Variants in LRRC36 observed in about 807,000 individuals in gnomAD.
LRRC36 encodes the protein leucine rich repeat containing 36, also known as leucine-rich repeat-containing protein 36.
LRRC36 carries 62 observed loss-of-function variants against 81.1 expected under a neutral mutation model. The ratio of observed to expected loss-of-function variants is 0.76; its 90% CI spans 0.62 to 0.94. The LOEUF is 0.94. Ranked by LOEUF, LRRC36 falls within the 40% of genes least tolerant of loss-of-function variation. The pLI is 0.00. For synonymous variants in LRRC36, 334 were observed against 348.6 expected (o/e 0.96, Z 0.47); for missense variants, 761 against 881.7 (o/e 0.86, Z 1.73).
Position 67,342,100 on chromosome 16 carries a change from T to A in LRRC36, c.198+16T>A, listed in dbSNP as rs1442219745. On this transcript the variant is annotated intron_variant, in intron 2 of 13. Coordinates refer to ENST00000329956, the MANE Select transcript of LRRC36 (RefSeq NM_018296.6). The stretch of plus-strand genomic sequence containing the variant: ...TAGCCTTAAGGTAAGTTATATATTC[T>A]ATGACCAGCCAGGTCTGCCCAATTT... 6.4e-6 allele frequency: 10 copies of A among 1,551,966 alleles called. No homozygotes were observed. The highest frequency in any genetic ancestry group is 8.8e-6 in the Non-Finnish European group (10 of 1,141,868).
Position 67,367,260 on chromosome 16 carries a change from A to T in LRRC36, c.998A>T (p.Tyr333Phe). 1 of 1,614,194 alleles carries T rather than the reference A, an allele frequency of 6.2e-7. No individual in the cohort carries two copies. Among genetic ancestry groups the T allele is most frequent in the Non-Finnish European group, 8.5e-7 (1 of 1,180,028 alleles). Residue 333 changes from tyrosine (Y) to phenylalanine (F), a missense_variant, in exon 8 of 14, where the codon TAT becomes TTT. This residue lies in a region of LRRC36 where 139 missense variants were observed against 214.0 expected (regional missense o/e 0.65). Coordinates refer to ENST00000329956, the MANE Select transcript of LRRC36 (RefSeq NM_018296.6). ...QLPSDVGLEN[Y>F]DSCYSQTLSL... Reference sequence around the variant, plus strand: ...CCTTCAGATGTTGGTCTGGAAAATTATGACAGTTGTTATTCTCAAACTCTA... The same window carrying T: ...CCTTCAGATGTTGGTCTGGAAAATTTTGACAGTTGTTATTCTCAAACTCTA...
At chr16:67,358,496 T>C (rs2039000742) in intron 5 of LRRC36, among the ~76,000 whole-genome samples, 1 of 144,588 alleles carries the variant, frequency 6.9e-6, no homozygotes, top group Admixed American at 6.9e-5. Context: ...CGCCACTAAT[T>C]TTTTTTTTTT....
chr16:67,333,407 C>T (rs1376663305), intron 1 of LRRC36, among the ~76,000 whole-genome samples: 2 of 152,216 alleles, frequency 1.3e-5, no homozygotes, highest in East Asian at 3.8e-4. Flanking sequence ...GCTGAAATTA[C>T]AGGCATGAGC....
chr16:67,378,467 T>C, intron 11 of LRRC36, 122 bp from the exon 12 acceptor site: 1 of 789,168 alleles, frequency 1.3e-6, no homozygotes, highest in Non-Finnish European at 2.0e-6. Flanking sequence ...CTCGAACTCC[T>C]GAGCTCAGGC....
chr16:67,334,615 G>A (rs763414756), intron 1 of LRRC36, among the ~76,000 whole-genome samples: 3 of 152,074 alleles, frequency 2.0e-5, no homozygotes, highest in African/African-American at 4.8e-5. Flanking sequence ...ATGAGCCAGC[G>A]TGCCTGGCCA....
intron 1 of LRRC36, 34 bp from the exon 2 acceptor site, chr16:67,341,923 G>T (rs1268897571): frequency 1.3e-6 from 2 of 1,585,742 alleles, no homozygotes; most frequent in East Asian, 2.3e-5. Flanking sequence ...TCCGAGCAGG[G>T]ATCATAATAT....
At chr16:67,379,393 TGAAA>T (rs2040029468) in intron 12 of LRRC36, among the ~76,000 whole-genome samples, 1 of 151,540 alleles carries the variant, frequency 6.6e-6, no homozygotes, top group African/African-American at 2.4e-5. Flanking sequence ...CCAGCCTGGG[TGAAA>T]GAGAGACCCT....
chr16:67,362,618 A>G (rs2039206515), intron 5 of LRRC36, among the ~76,000 whole-genome samples: 2 of 152,320 alleles, frequency 1.3e-5, no homozygotes, highest in Middle Eastern at 6.8e-3. Flanking sequence ...GGTAACCAAA[A>G]AACAAGATAA....
chr16:67,336,407 A>G (rs921281246), intron 1 of LRRC36, among the ~76,000 whole-genome samples: 8 of 152,208 alleles, frequency 5.3e-5, no homozygotes, highest in Non-Finnish European at 1.2e-4. Context: ...TTGTCTTCTC[A>G]GGTGGCTTCA....
At chr16:67,369,487 G>A (rs538446368) in intron 8 of LRRC36, among the ~76,000 whole-genome samples, 1 of 152,306 alleles carries the variant, frequency 6.6e-6, no homozygotes, top group East Asian at 1.9e-4. Flanking sequence ...GGATGCATGA[G>A]AATGAAAGCC....
intron 5 of LRRC36, among the ~76,000 whole-genome samples, chr16:67,360,207 T>C (rs2039081951): frequency 6.6e-6 from 1 of 151,962 alleles, no homozygotes; most frequent in Admixed American, 6.6e-5. Flanking sequence ...GAAATTTAGG[T>C]CTGTACATCA....
chr16:67,365,785 C>T (rs561754418), intron 7 of LRRC36, among the ~76,000 whole-genome samples: 1 of 152,258 alleles, frequency 6.6e-6, no homozygotes, highest in South Asian at 2.1e-4. Flanking sequence ...AAAAACCGTA[C>T]AGTACTTTAT....
chr16:67,380,078 T>A (rs1341535136), intron 12 of LRRC36, among the ~76,000 whole-genome samples: 1 of 152,176 alleles, frequency 6.6e-6, no homozygotes, highest in Non-Finnish European at 1.5e-5. Flanking sequence ...TAGAATCAAA[T>A]GCTTTTCTGA....
chr16:67,374,760 T>A (rs2039812217), intron 9 of LRRC36, among the ~76,000 whole-genome samples: 1 of 152,172 alleles, frequency 6.6e-6, no homozygotes, highest in South Asian at 2.1e-4. Flanking sequence ...CTGGAATATC[T>A]TATGTTTTTG....
intron 13 of LRRC36, among the ~76,000 whole-genome samples, chr16:67,383,004 C>T (rs1042397709): frequency 7.3e-5 from 10 of 137,042 alleles, no homozygotes; most frequent in Non-Finnish European, 1.2e-4. Flanking sequence ...TCTTGGGAGG[C>T]GGAGATAGCA....
chr16:67,355,596 G>A (rs1348342267), intron 5 of LRRC36, among the ~76,000 whole-genome samples: 1 of 151,680 alleles, frequency 6.6e-6, no homozygotes, highest in Non-Finnish European at 1.5e-5. Context: ...GGATGGTCTC[G>A]ATCTCCTGAC....
intron 1 of LRRC36, among the ~76,000 whole-genome samples, chr16:67,334,241 G>T (rs1323575633): frequency 6.6e-6 from 1 of 151,532 alleles, no homozygotes; most frequent in Non-Finnish European, 1.5e-5. Context: ...CCATGGTCTC[G>T]ATCTCCTGAC....
At chr16:67,349,155 G>A (rs1254250429) in intron 4 of LRRC36, among the ~76,000 whole-genome samples, 2 of 152,096 alleles carry the variant, frequency 1.3e-5, no homozygotes, top group Non-Finnish European at 2.9e-5. Context: ...TAATTAATGT[G>A]TAACTGAATA....
In LRRC36 at chr16:67,385,200, G is replaced by A. The variant is rs2040251899; in HGVS notation, c.*111G>A. On this transcript the variant is annotated 3_prime_UTR_variant, in exon 14 of 14. Transcript: ENST00000329956. ...AAAGATTAAGAAAGAAATGTATTCT[G>A]ATTAGATTGTATTGGTCCTTCTTTT... 3 of 753,216 alleles carry A rather than the reference G, an allele frequency of 4.0e-6. No homozygotes were observed. The highest frequency in any genetic ancestry group is 2.6e-5 in the East Asian group (1 of 39,148). The allele number at this position is 753,216 out of a possible 1,614,324, so 46.7% of individuals were successfully genotyped here. A position where few individuals can be genotyped will look rare whatever the true frequency, so the allele number is the denominator to read the frequency against.
Sources: allele counts gnomAD v4.1 joint callset (sites outside exome capture counted in the v4.1 genomes callset), GRCh38; gene constraint gnomAD v4.1.1; regional missense constraint gnomAD v4.1.1; transcripts MANE v1.5; gene names NCBI Gene and HGNC (gene_info 2026-07-23, HGNC 2026-07-21).